Variants in FGD5 observed in about 807,000 individuals in gnomAD.
The protein encoded by FGD5 is FYVE, RhoGEF and PH domain containing 5.
A neutral mutation model predicts 133.4 loss-of-function variants in FGD5; 28 were observed. The observed-to-expected ratio is 0.21, with a 90% CI of 0.16 to 0.29. The LOEUF (loss-of-function observed/expected upper bound fraction) is 0.29. Ranked by LOEUF, FGD5 falls within the 10% of genes least tolerant of loss-of-function variation. FGD5 has a pLI of 1.00. For missense variants in FGD5, 1,858 were observed against 1,895.2 expected (o/e 0.98, Z 0.36); for synonymous variants, 810 against 776.5 (o/e 1.04, Z -0.72).
chr3:14,923,028 T>A lies in FGD5; in HGVS notation c.3808-18T>A, dbSNP rs2038718568. The A allele has an allele frequency of 6.2e-6, 10 of 1,613,570 alleles. No homozygotes were observed. Among genetic ancestry groups the A allele is most frequent in the Non-Finnish European group, 6.8e-6 (8 of 1,179,732 alleles). ...CATGCACTGAGAGGGGTGAGAATCT[T>A]CCCACCTGGGCCTGCAGATCGTGTG... On this transcript the variant is annotated intron_variant, in intron 15 of 19. Transcript: ENST00000285046.
intron 2 of FGD5, among the ~76,000 whole-genome samples, 153 bp downstream of exon 2, chr3:14,864,413 C>T (rs1323163723): frequency 1.3e-5 from 2 of 152,218 alleles, no homozygotes; most frequent in Non-Finnish European, 2.9e-5. Context: ...AGCATCAGGG[C>T]GCTAGGAAGC....
chr3:14,929,703 T>A (rs771708839), intron 18 of FGD5, among the ~76,000 whole-genome samples: 6 of 152,318 alleles, frequency 3.9e-5, no homozygotes, highest in Non-Finnish European at 7.4e-5. Flanking sequence ...TTAAAGTAGG[T>A]TGTACTGTGA....
chr3:14,890,088 C>T (rs1200587109), intron 4 of FGD5, among the ~76,000 whole-genome samples: 1 of 152,102 alleles, frequency 6.6e-6, no homozygotes, highest in Non-Finnish European at 1.5e-5. Flanking sequence ...CAGCGTTACA[C>T]GATCATTGCA....
rs1189766171 is a variant in FGD5 at position 14,843,694 on chromosome 3, T to TTTC, written c.2526-20432_2526-20431insCTT. Among the ~76,000 whole-genome samples, 40 of 141,444 alleles carry TTTC rather than the reference T, an allele frequency of 2.8e-4. 1 individual carries two copies. Among genetic ancestry groups the TTTC allele is most frequent in the African/African-American group, 1.1e-3 (40 of 36,884 alleles). 92.8% of individuals were successfully genotyped at this position (141,444 alleles called of 152,430 possible). On this transcript the variant is annotated intron_variant, in intron 1 of 19. Coordinates refer to ENST00000285046, the MANE Select transcript of FGD5 (RefSeq NM_152536.4). ...TGTGCATCCCCAGGGTGCTTTTTTT[T>TTTC]TTTTTTTTTGGGGGGAGACAGAGTC... is the stretch of plus-strand genomic sequence containing the variant.
chr3:14,840,097 G>A lies in FGD5; in HGVS notation c.2525+18501G>A, dbSNP rs533053077. ...AGTTACTGCATCCATGTACAGACAT[G>A]CACAGGTAACACACACACACATTTA... On this transcript the variant is annotated intron_variant, in intron 1 of 19. Transcript: ENST00000285046. 4.6e-5 allele frequency among the ~76,000 whole-genome samples: 7 copies of A among 151,864 alleles called. No individual in the cohort carries two copies. In the South Asian group the frequency reaches 1.5e-3, roughly 32 times the overall value.
intron 1 of FGD5, among the ~76,000 whole-genome samples, chr3:14,859,013 C>G (rs1288593187): frequency 6.6e-6 from 1 of 152,154 alleles, no homozygotes; most frequent in Non-Finnish European, 1.5e-5. Context: ...TCTGTTGCTG[C>G]CATTTTTTCA....
chr3:14,880,126 T>C (rs1177583259), intron 2 of FGD5, among the ~76,000 whole-genome samples: 1 of 152,144 alleles, frequency 6.6e-6, no homozygotes, highest in African/African-American at 2.4e-5. Flanking sequence ...GTGAGCGGAT[T>C]GCTTGAGCCC....
chr3:14,877,566 G>T (rs181946610), intron 2 of FGD5, among the ~76,000 whole-genome samples: 8 of 152,236 alleles, frequency 5.3e-5, no homozygotes, highest in African/African-American at 1.7e-4. Flanking sequence ...TCTGAGAGGG[G>T]CTCGCCCACG....
At chr3:14,897,731 A>G in intron 5 of FGD5, 62 bp downstream of exon 5, 1 of 1,515,776 alleles carries the variant, frequency 6.6e-7, no homozygotes, top group Non-Finnish European at 8.8e-7. Context: ...GAGACGGATA[A>G]AAACACCACC....
At chr3:14,879,313 C>T (rs981079962) in intron 2 of FGD5, among the ~76,000 whole-genome samples, 1 of 152,258 alleles carries the variant, frequency 6.6e-6, no homozygotes, top group South Asian at 2.1e-4. Context: ...TCTATTTCAT[C>T]AGGCCGCCAC....
At chr3:14,876,883 G>A (rs894744166) in intron 2 of FGD5, among the ~76,000 whole-genome samples, 1 of 152,166 alleles carries the variant, frequency 6.6e-6, no homozygotes, top group Non-Finnish European at 1.5e-5. Context: ...TGTGTGACCC[G>A]CTGTCTAACA....
chr3:14,917,311 A>T lies in FGD5; in HGVS notation c.3468A>T (p.Thr1156=). 1 of 1,613,472 alleles carries T rather than the reference A, an allele frequency of 6.2e-7. No homozygotes were observed. The highest frequency in any genetic ancestry group is 8.5e-7 in the Non-Finnish European group (1 of 1,179,722). Residue 1156 remains threonine, a synonymous_variant, in exon 12 of 20, where the codon ACA becomes ACT. Coordinates refer to ENST00000285046, the MANE Select transcript of FGD5 (RefSeq NM_152536.4). The surrounding 1 kb of genome is among the most constrained non-coding windows in gnomAD (Gnocchi z 4.1). ...QKDGKYRLKN[T]LAVANMKVSR... Reference sequence around the variant, plus strand: ...ATGGGAAGTACCGGCTGAAGAACACATTGGCTGTGGCCAACATGAAGGTAA... The same window carrying T: ...ATGGGAAGTACCGGCTGAAGAACACTTTGGCTGTGGCCAACATGAAGGTAA...
intron 9 of FGD5, among the ~76,000 whole-genome samples, chr3:14,906,029 C>T (rs981669286): frequency 2.6e-5 from 4 of 152,128 alleles, no homozygotes; most frequent in Non-Finnish European, 4.4e-5. Flanking sequence ...GTGTCATCAA[C>T]CTTCAGTGAC....
rs746484287 is a variant in FGD5 at position 14,821,287 on chromosome 3, T to G, written c.2216T>G (p.Val739Gly). Residue 739 changes from valine to glycine, a missense_variant, in exon 1 of 20, where the codon GTG (valine) becomes GGG (glycine). Physicochemically the swap from Val to Gly is moderately radical, Grantham distance 109. Around this residue, in one of 3 missense-constraint regions of FGD5, gnomAD observed 1,824 missense variants for 1,848.9 expected, o/e 0.99. Coordinates refer to ENST00000285046, the MANE Select transcript of FGD5 (RefSeq NM_152536.4). Reference protein sequence around the residue: ...KRKGVPFSRTVSRVESFEDRS... With the variant: ...KRKGVPFSRTGSRVESFEDRS... ...AAAGGTGTCCCCTTCAGCAGGACGGTGTCCAGAGTGGAGTCCTTTGAAGAC... is the reference window on the plus strand; with the variant it reads ...AAAGGTGTCCCCTTCAGCAGGACGGGGTCCAGAGTGGAGTCCTTTGAAGAC... The G allele has an allele frequency of 6.2e-7, 1 of 1,613,968 alleles. No homozygotes were observed. The highest frequency in any genetic ancestry group is 1.1e-5 in the South Asian group (1 of 91,080).
intron 1 of FGD5, among the ~76,000 whole-genome samples, chr3:14,846,006 A>G (rs2037043210): frequency 6.6e-6 from 1 of 152,150 alleles, no homozygotes; most frequent in African/African-American, 2.4e-5. Context: ...TGAGAACTCA[A>G]ACTCACCAAG....
At chr3:14,914,060 T>C (rs1387030391) in intron 11 of FGD5, among the ~76,000 whole-genome samples, 2 of 152,130 alleles carry the variant, frequency 1.3e-5, no homozygotes, top group African/African-American at 4.8e-5. Context: ...TGAAGCTGGG[T>C]CCTCTTCTTC....
chr3:14,912,539 GT>G (rs888969926), intron 11 of FGD5, among the ~76,000 whole-genome samples: 1 of 151,870 alleles, frequency 6.6e-6, no homozygotes. Context: ...TCTCTAGGTC[GT>G]TTTTTTTAAC....
chr3:14,812,987 G>A (rs2036315535), intron 1 of FGD5, among the ~76,000 whole-genome samples: 1 of 152,150 alleles, frequency 6.6e-6, no homozygotes, highest in South Asian at 2.1e-4. Context: ...TTTTATAGAT[G>A]GGAAAATTGA....
chr3:14,832,285 T>C (rs1419013785), intron 1 of FGD5, among the ~76,000 whole-genome samples: 1 of 152,140 alleles, frequency 6.6e-6, no homozygotes, highest in East Asian at 1.9e-4. Flanking sequence ...TTCATAGAGC[T>C]CTCCCTGCAC....
Sources: gnomAD v4.1 joint callset for allele counts (sites outside exome capture counted in the v4.1 genomes callset) on GRCh38, gnomAD v4.1.1 for gene constraint, gnomAD v4.1.1 regional missense constraint, Gnocchi (gnomAD v3.1) non-coding constraint, MANE v1.5 for transcripts, NCBI Gene and HGNC (gene_info 2026-07-23, HGNC 2026-07-21) for gene names.